ERCC6L2: variants seen among roughly 807,000 people sequenced by gnomAD.
The protein encoded by ERCC6L2 is DNA excision repair protein ERCC-6-like 2.
A neutral mutation model predicts 132.0 loss-of-function variants in ERCC6L2; 77 were observed. The observed-to-expected ratio is 0.58, with a 90% CI of 0.49 to 0.71. The LOEUF (loss-of-function observed/expected upper bound fraction) is 0.71. Ranked by LOEUF, ERCC6L2 falls within the 30% of genes least tolerant of loss-of-function variation. The probability of loss-of-function intolerance (pLI) is 0.00; values close to 1 mark genes in which losing one functional copy is unlikely to be tolerated. For synonymous variants in ERCC6L2, 583 were observed against 632.4 expected, an observed-to-expected ratio of 0.92 and a Z score of 1.17; for missense variants, 1,542 against 1,837.6, an observed-to-expected ratio of 0.84 and a Z score of 2.94.
At chr9:95,961,803 G>C (rs1044363994) in intron 13 of ERCC6L2, among the ~76,000 whole-genome samples, 1 of 152,142 alleles carries the variant, frequency 6.6e-6, no homozygotes, top group Admixed American at 6.6e-5. Context: ...TTACAGTTCT[G>C]CATGGCTGGG....
At chr9:96,035,396 A>C (rs1226250710) in intron 19 of ERCC6L2, among the ~76,000 whole-genome samples, 1 of 152,186 alleles carries the variant, frequency 6.6e-6, no homozygotes, top group East Asian at 1.9e-4. Flanking sequence ...TCTGAGGGCC[A>C]TGAAAGCCTG....
In ERCC6L2 at chr9:96,015,280, G is replaced by A. The variant is rs559123428; in HGVS notation, c.*2077G>A. ...TGGCTCACTGCAGCCTCCGCCCCCCGAGTCAAGCAATTCTCCTGCCTCAGC... is the reference window on the plus strand; with the variant it reads ...TGGCTCACTGCAGCCTCCGCCCCCCAAGTCAAGCAATTCTCCTGCCTCAGC... On this transcript the variant is annotated 3_prime_UTR_variant, in exon 19 of 19. Coordinates refer to ENST00000653738, the MANE Select transcript of ERCC6L2 (RefSeq NM_020207.7). 2.1e-4 allele frequency among the ~76,000 whole-genome samples: 32 copies of A among 149,600 alleles called. No homozygotes were observed. Among genetic ancestry groups the A allele is most frequent in the Admixed American group, 1.2e-3 (18 of 15,162 alleles).
At chr9:95,969,734 C>T (rs1242493930) in intron 14 of ERCC6L2, among the ~76,000 whole-genome samples, 2 of 152,136 alleles carry the variant, frequency 1.3e-5, no homozygotes, top group East Asian at 3.8e-4. Context: ...GGACTTGCAG[C>T]AGTTCAGAAA....
chr9:96,030,041 C>T (rs2133264471), intron 19 of ERCC6L2, among the ~76,000 whole-genome samples: 1 of 152,298 alleles, frequency 6.6e-6, no homozygotes, highest in African/African-American at 2.4e-5. Flanking sequence ...CCTCCTGGGT[C>T]GAGTGGGGAC....
chr9:96,028,985 A>G (rs1269172833), intron 19 of ERCC6L2, among the ~76,000 whole-genome samples: 2 of 152,180 alleles, frequency 1.3e-5, no homozygotes, highest in African/African-American at 4.8e-5. Context: ...GGGAAAAGCC[A>G]GCAAAACTAA....
chr9:95,941,486 C>T lies in ERCC6L2; in HGVS notation c.1784C>T (p.Ala595Val), dbSNP rs771294724. The change falls in exon 12 of 19, where the codon GCC (alanine) becomes GTC (valine). Residue 595 changes from alanine to valine, a missense_variant. Transcript: ENST00000653738. ...GGACTAGGCCTCAATTTTGTCGGTGCCAATGTTGTTGTATTATTTGATCCT... is the reference window on the plus strand; with the variant it reads ...GGACTAGGCCTCAATTTTGTCGGTGTCAATGTTGTTGTATTATTTGATCCT... The part of the protein sequence containing the change: ...AGGLGLNFVG[A>V]NVVVLFDPTW... 4 of 1,612,742 alleles carry T rather than the reference C, an allele frequency of 2.5e-6. No homozygotes were observed. Among genetic ancestry groups the T allele is most frequent in the Admixed American group, 3.3e-5 (2 of 59,924 alleles).
At chr9:95,883,274 A>T (rs1160355824) in intron 2 of ERCC6L2, among the ~76,000 whole-genome samples, 1 of 152,120 alleles carries the variant, frequency 6.6e-6, no homozygotes, top group African/African-American at 2.4e-5. Flanking sequence ...AATCAGGGAG[A>T]TGGATTTGAG....
intron 19 of ERCC6L2, among the ~76,000 whole-genome samples, chr9:96,030,533 T>TA (rs898912724): frequency 1.4e-4 from 21 of 149,872 alleles, no homozygotes; most frequent in South Asian, 4.2e-4. Flanking sequence ...CCGTCTCTAC[T>TA]AAAAAAAAAT....
chr9:95,889,860 A>C (rs1232084753), intron 2 of ERCC6L2, among the ~76,000 whole-genome samples: 1 of 152,210 alleles, frequency 6.6e-6, no homozygotes, highest in Non-Finnish European at 1.5e-5. Context: ...GTGAACATGC[A>C]TCAAAGATCT....
At chr9:96,022,414 G>A (rs1404608065), downstream of ERCC6L2, among the ~76,000 whole-genome samples, 3 of 152,224 alleles carry the variant, frequency 2.0e-5, no homozygotes, top group Non-Finnish European at 4.4e-5. Context: ...AACACTTCCA[G>A]TGGATTTTCT....
At position 96,015,040 on chromosome 9, in the gene ERCC6L2, T is replaced by TTG. The variant is rs1834155990; in HGVS notation, c.*1837_*1838insTG. On this transcript the variant is annotated 3_prime_UTR_variant, in exon 19 of 19. Coordinates refer to ENST00000653738, the MANE Select transcript of ERCC6L2 (RefSeq NM_020207.7). ...GTTTTTTTTTTTTTTTTTTTTTTTT[T>TTG]GAGATTGAGTCTCACTCTGTCACCC... 6.9e-6 allele frequency among the ~76,000 whole-genome samples: 1 copy of TTG among 144,486 alleles called. No individual in the cohort carries two copies. Among genetic ancestry groups the TTG allele is most frequent in the African/African-American group, 2.6e-5 (1 of 38,612 alleles). 94.8% of individuals were successfully genotyped at this position (144,486 alleles called of 152,430 possible).
chr9:95,917,340 G>T (rs1466255558), intron 6 of ERCC6L2, among the ~76,000 whole-genome samples: 2 of 152,104 alleles, frequency 1.3e-5, no homozygotes, highest in African/African-American at 4.8e-5. Flanking sequence ...GTTTCTTCTA[G>T]CTTGGGCAAT....
intron 17 of ERCC6L2, among the ~76,000 whole-genome samples, chr9:96,003,876 T>A (rs1341205882): frequency 1.3e-5 from 2 of 152,226 alleles, no homozygotes; most frequent in Non-Finnish European, 2.9e-5. Context: ...TATCATCTTG[T>A]CAGGAAAACT....
intron 19 of ERCC6L2, among the ~76,000 whole-genome samples, chr9:96,030,571 G>A (rs372884214): frequency 6.6e-5 from 10 of 151,934 alleles, no homozygotes; most frequent in South Asian, 2.1e-4. Context: ...GCGTGGTGGC[G>A]GGCACCTGTA....
At chr9:95,934,688 G>A (rs1486011581) in intron 11 of ERCC6L2, among the ~76,000 whole-genome samples, 1 of 152,052 alleles carries the variant, frequency 6.6e-6, no homozygotes, top group Non-Finnish European at 1.5e-5. Flanking sequence ...CCTATAATTT[G>A]AAATACAATG....
At chr9:96,028,070 G>C (rs529379948) in intron 19 of ERCC6L2, 1 of 152,266 alleles carries the variant, frequency 6.6e-6, no homozygotes, top group East Asian at 1.9e-4. Flanking sequence ...GAACGGATGC[G>C]ACAGTGGACC....
At chr9:96,041,051 G>A (rs1477629606) in intron 20 of ERCC6L2, among the ~76,000 whole-genome samples, 1 of 152,186 alleles carries the variant, frequency 6.6e-6, no homozygotes, top group Non-Finnish European at 1.5e-5. Flanking sequence ...CGAGCCCGAT[G>A]CCAATAACTT....
intron 4 of ERCC6L2, 66 bp downstream of exon 4, chr9:95,907,337 A>ATTTTTTT: frequency 1.8e-6 from 1 of 558,530 alleles, no homozygotes; most frequent in Non-Finnish European, 2.6e-6. Flanking sequence ...TTATATTAAG[A>ATTTTTTT]GTTTTTTTTT....
intron 11 of ERCC6L2, among the ~76,000 whole-genome samples, chr9:95,938,086 G>A (rs1440558876): frequency 1.3e-5 from 2 of 150,912 alleles, no homozygotes; most frequent in East Asian, 2.0e-4. Context: ...TGACTCATGA[G>A]CTATTTAGAT....
Sources: gnomAD v4.1 joint callset for allele counts (sites outside exome capture counted in the v4.1 genomes callset) on GRCh38, gnomAD v4.1.1 for gene constraint, MANE v1.5 for transcripts, NCBI Gene and HGNC (gene_info 2026-07-23, HGNC 2026-07-21) for gene names.